The following CSNK2A2IP variants were observed in gnomAD, a reference collection of about 807,000 sequenced individuals.
CSNK2A2IP encodes casein kinase 2 subunit alpha' interacting protein.
the CSNK2A2IP span, among the ~76,000 whole-genome samples, chr3:88,432,651 T>A: frequency 6.6e-6 from 1 of 151,476 alleles, no homozygotes; most frequent in East Asian, 1.9e-4. Context: ...ATAAAAACAA[T>A]TGAATACTTT....
At chr3:88,397,049 G>A in the CSNK2A2IP span, among the ~76,000 whole-genome samples, 1 of 152,160 alleles carries the variant, frequency 6.6e-6, no homozygotes, top group Non-Finnish European at 1.5e-5. Context: ...AGAAAAACAA[G>A]AGGGCATGTG....
chr3:88,465,766 A>T, the CSNK2A2IP span: 7 of 1,231,616 alleles, frequency 5.7e-6, no homozygotes, highest in African/African-American at 1.1e-4. Flanking sequence ...TGACCTCAAC[A>T]TGACATCATC....
the CSNK2A2IP span, among the ~76,000 whole-genome samples, chr3:88,379,310 G>A: frequency 0.038 from 5,707 of 152,108 alleles, 265 homozygotes; most frequent in African/African-American, 0.11. Context: ...CTTGTCAAAA[G>A]AAGAATTAGA....
the CSNK2A2IP span, among the ~76,000 whole-genome samples, chr3:88,340,781 A>G: frequency 1.3e-5 from 2 of 151,958 alleles, no homozygotes; most frequent in African/African-American, 4.8e-5. Context: ...CCACCTGAAC[A>G]GCTTTATCTT....
the CSNK2A2IP span, among the ~76,000 whole-genome samples, chr3:88,436,149 G>A: frequency 2.2e-4 from 34 of 151,916 alleles, no homozygotes; most frequent in East Asian, 6.6e-3. Flanking sequence ...AAATTAACAA[G>A]GTGAAATACA....
chr3:88,430,792 A>G, the CSNK2A2IP span, among the ~76,000 whole-genome samples: 4,690 of 152,284 alleles, frequency 0.031, 112 homozygotes, highest in Non-Finnish European at 0.05. Flanking sequence ...AAAACCTTAC[A>G]CATATAGACA....
At chr3:88,367,829 C>T in the CSNK2A2IP span, among the ~76,000 whole-genome samples, 18 of 152,092 alleles carry the variant, frequency 1.2e-4, no homozygotes, top group Middle Eastern at 3.4e-3. Flanking sequence ...TCATTTGGAA[C>T]GCACTTATTA....
At chr3:88,383,785 T>C in the CSNK2A2IP span, among the ~76,000 whole-genome samples, 1 of 149,180 alleles carries the variant, frequency 6.7e-6, no homozygotes, top group Non-Finnish European at 1.5e-5. Flanking sequence ...TGCTTCAGCC[T>C]CCAGAGTAGC....
the CSNK2A2IP span, among the ~76,000 whole-genome samples, chr3:88,371,848 A>T: frequency 1.3e-5 from 2 of 151,754 alleles, no homozygotes; most frequent in Admixed American, 6.6e-5. Context: ...TGATAAAATT[A>T]TAAGCTGACT....
the CSNK2A2IP span, among the ~76,000 whole-genome samples, chr3:88,438,834 T>C: frequency 1.3e-5 from 2 of 152,308 alleles, no homozygotes; most frequent in Non-Finnish European, 2.9e-5. Flanking sequence ...TGTCTTTAAT[T>C]ATTAAGAGTG....
At chr3:88,395,094 T>A in the CSNK2A2IP span, among the ~76,000 whole-genome samples, 3 of 152,232 alleles carry the variant, frequency 2.0e-5, no homozygotes, top group East Asian at 5.8e-4. Context: ...CATGTGTGTT[T>A]AAGTATACAC....
the CSNK2A2IP span, among the ~76,000 whole-genome samples, chr3:88,349,066 T>G: frequency 6.6e-6 from 1 of 152,084 alleles, no homozygotes; most frequent in Non-Finnish European, 1.5e-5. Flanking sequence ...GTTTTCTTGA[T>G]GTTTCTCTCC....
chr3:88,458,152 T>G, the CSNK2A2IP span, among the ~76,000 whole-genome samples: 1 of 136,134 alleles, frequency 7.3e-6, no homozygotes, highest in African/African-American at 2.8e-5. Context: ...TTTTTTTTTT[T>G]TTTTTTTTTT....
chr3:88,381,616 G>A, the CSNK2A2IP span, among the ~76,000 whole-genome samples: 2 of 152,182 alleles, frequency 1.3e-5, no homozygotes, highest in African/African-American at 4.8e-5. Context: ...TCTCAAGAGG[G>A]TGTATCTTCA....
chr3:88,465,874 T>C, the CSNK2A2IP span: 767 of 1,231,698 alleles, frequency 6.2e-4, 3 homozygotes, highest in African/African-American at 0.011. Context: ...ATCACTTTCA[T>C]TGAAGTCTCA....
the CSNK2A2IP span, among the ~76,000 whole-genome samples, chr3:88,365,969 G>A: frequency 6.6e-6 from 1 of 152,072 alleles, no homozygotes; most frequent in African/African-American, 2.4e-5. Flanking sequence ...ATTTTCTGAT[G>A]AGGATTGAAT....
chr3:88,459,284 G>A, the CSNK2A2IP span, among the ~76,000 whole-genome samples: 1 of 151,972 alleles, frequency 6.6e-6, no homozygotes, highest in South Asian at 2.1e-4. Context: ...GGATACCTGT[G>A]TTTTTATTGA....
At chr3:88,460,063 A>G in the CSNK2A2IP span, among the ~76,000 whole-genome samples, 2 of 152,134 alleles carry the variant, frequency 1.3e-5, no homozygotes, top group Non-Finnish European at 2.9e-5. Context: ...TTCTATATTT[A>G]TGGTACTCTG....
chr3:88,359,448 T>C, the CSNK2A2IP span, among the ~76,000 whole-genome samples: 10 of 152,116 alleles, frequency 6.6e-5, no homozygotes, highest in African/African-American at 2.4e-4. Context: ...TTCTTAAAGA[T>C]ACATCATTTG....
Sources: gnomAD v4.1 joint callset for allele counts (sites outside exome capture counted in the v4.1 genomes callset) on GRCh38, gnomAD v4.1.1 for gene constraint, MANE v1.5 for transcripts, NCBI Gene and HGNC (gene_info 2026-07-23, HGNC 2026-07-21) for gene names.